GOLGA8M: variants seen among roughly 807,000 people sequenced by gnomAD.
GOLGA8M encodes golgin subfamily A member 8M.
Under a neutral mutation model 87.7 loss-of-function variants are expected in GOLGA8M, and 34 were observed. That is an observed-to-expected ratio of 0.39 (90% confidence interval 0.29 to 0.52). GOLGA8M has a LOEUF of 0.52. Among genes scored for constraint, GOLGA8M ranks in the 20% least tolerant of loss-of-function variants. The pLI, the probability that GOLGA8M is intolerant of heterozygous loss-of-function variation, is 0.80. For missense variants in GOLGA8M, 396 were observed against 682.2 expected (o/e 0.58, Z 4.67); for synonymous variants, 138 against 250.2 (o/e 0.55, Z 4.23).
rs1475406762 is a variant in GOLGA8M at position 28,700,867 on chromosome 15, C to A, written c.*1087G>T. On this transcript the variant is annotated 3_prime_UTR_variant, in exon 19 of 19. Transcript: ENST00000563027. Reference sequence around the variant, plus strand: ...GGAATGCCAGGTGTCACACAGCTTTCCTTCACTCTAATTCATTCTTGACTA... The same window carrying A: ...GGAATGCCAGGTGTCACACAGCTTTACTTCACTCTAATTCATTCTTGACTA... 1.3e-5 allele frequency among the ~76,000 whole-genome samples: 2 copies of A among 151,900 alleles called. No homozygotes were observed. Among genetic ancestry groups the A allele is most frequent in the Non-Finnish European group, 2.9e-5 (2 of 68,012 alleles).
At chr15:28,711,743 G>A (rs182126965) in intron 1 of GOLGA8M, 5 of 984,964 alleles carry the variant, frequency 5.1e-6, no homozygotes, top group African/African-American at 1.7e-5. Flanking sequence ...CCTGGTCGGG[G>A]GGAGGGACCA....
chr15:28,711,789 G>A (rs1408702489), intron 1 of GOLGA8M: 2 of 983,424 alleles, frequency 2.0e-6, no homozygotes, highest in African/African-American at 1.7e-5. Flanking sequence ...CTCCACGATG[G>A]GGGAGGGAAG....
rs77772460 is a variant in GOLGA8M, at chr15:28,703,903, A to C, written c.1215T>G (p.Ala405=). ...QEKLGEEHLE[A]ASQQNQQLTA... is the part of the protein sequence containing the mutation. Reference sequence around the variant, plus strand: ...TTAGCTGCTGGTTCTGCTGGCTGGCAGCTTCCAGGTGCTCCTAAGGGGCCA... The same window carrying C: ...TTAGCTGCTGGTTCTGCTGGCTGGCCGCTTCCAGGTGCTCCTAAGGGGCCA... Residue 405 remains alanine, a synonymous_variant, in exon 14 of 19, where the codon GCT becomes GCG. Transcript: ENST00000563027. The C allele has an allele frequency of 0.032, 47,777 of 1,502,114 alleles. 8,082 individuals carry two copies. The East Asian group carries it at 0.5, about 16-fold the overall frequency. 93.0% of individuals were successfully genotyped at this position (1,502,114 alleles called of 1,614,324 possible). A position where few individuals can be genotyped will look rare whatever the true frequency, so the allele number is the denominator to read the frequency against.
At chr15:28,711,775 G>A (rs764863122) in intron 1 of GOLGA8M, 128 of 983,682 alleles carry the variant, frequency 1.3e-4, no homozygotes, top group Non-Finnish European at 1.4e-4. Flanking sequence ...TGTCTAAGTC[G>A]CTGCTCCACG....
At chr15:28,704,025 G>A (rs1419947182) in intron 13 of GOLGA8M, 108 bp from the exon 14 acceptor site, 7 of 1,551,812 alleles carry the variant, frequency 4.5e-6, no homozygotes, top group African/African-American at 2.8e-5. Flanking sequence ...CTTTTGGCAG[G>A]CCATATCGGC....
At chr15:28,704,815 G>A (rs977589173) in intron 13 of GOLGA8M, among the ~76,000 whole-genome samples, 8 of 144,816 alleles carry the variant, frequency 5.5e-5, no homozygotes, top group South Asian at 2.2e-4. Context: ...TCAAACTCCC[G>A]ACCTCAAGTG....
chr15:28,705,672 T>C lies in GOLGA8M; in HGVS notation c.942A>G (p.Glu314=). The part of the protein sequence containing the change: ...SEVELQHLRK[E]LERVAGELQA... ...GGAGCTCTCCTGCCACTCTCTCTAGTTCCTTCCTCAGGTGCTGCAGCTCCA... is the reference window on the plus strand; with the variant it reads ...GGAGCTCTCCTGCCACTCTCTCTAGCTCCTTCCTCAGGTGCTGCAGCTCCA... Residue 314 remains glutamate (E), a synonymous_variant, in exon 12 of 19, where the codon GAA becomes GAG. Transcript: ENST00000563027. 3 of 1,586,200 alleles carry C rather than the reference T, an allele frequency of 1.9e-6. No homozygotes were observed. The highest frequency in any genetic ancestry group is 2.6e-6 in the Non-Finnish European group (3 of 1,175,666).
At chr15:28,704,072 G>T (rs1596674598) in intron 13 of GOLGA8M, among the ~76,000 whole-genome samples, 155 bp from the exon 14 acceptor site, 3 of 148,534 alleles carry the variant, frequency 2.0e-5, no homozygotes, top group South Asian at 2.1e-4. Context: ...ACTGCAGCTG[G>T]TTCATTAGCT....
chr15:28,704,143 C>T (rs1178203790), intron 13 of GOLGA8M, among the ~76,000 whole-genome samples: 4 of 148,092 alleles, frequency 2.7e-5, no homozygotes, highest in Non-Finnish European at 4.4e-5. Flanking sequence ...TGCTGATAGG[C>T]GGCCACCTGC....
chr15:28,712,471 G>A (rs887705455), upstream of GOLGA8M: 2 of 1,606,580 alleles, frequency 1.2e-6, no homozygotes, highest in African/African-American at 2.7e-5. Context: ...GAATAGGGGT[G>A]TGGCCTTAAT....
Position 28,702,530 on chromosome 15 carries a change from C to T in GOLGA8M, c.1502G>A (p.Gly501Asp), listed in dbSNP as rs755788642. The change falls in exon 17 of 19, where the codon GGC becomes GAC. Residue 501 changes from glycine (G) to aspartate (D), a missense_variant. Coordinates refer to ENST00000563027, the MANE Select transcript of GOLGA8M (RefSeq NM_001282468.3). Reference protein sequence around the residue: ...KIHHLLSEPGGRAKDAALGGG... With the variant: ...KIHHLLSEPGDRAKDAALGGG... ...TCCCAGTGCCGCATCTTTGGCACGG[C>T]CCCCTGGTTCTGATAAAAGGTGATG... 9.4e-6 allele frequency: 15 copies of T among 1,602,074 alleles called. No individual in the cohort carries two copies. Among genetic ancestry groups the T allele is most frequent in the Non-Finnish European group, 1.3e-5 (15 of 1,179,542 alleles).
Position 28,705,621 on chromosome 15 carries a change from G to T in GOLGA8M, c.993C>A (p.Arg331=). ...CTTGTCGCTGGTTCAGGAGACTTAT[G>T]CGCTGATTGTTTTTGACCTGGGCCT... ...ELQAQVKNNQ[R]ISLLNQRQEE... Residue 331 remains arginine (R), a synonymous_variant, in exon 12 of 19, where the codon CGC becomes CGA. Transcript: ENST00000563027. 2.5e-6 allele frequency: 4 copies of T among 1,589,374 alleles called. No homozygotes were observed. In the South Asian group the frequency reaches 3.3e-5, roughly 13 times the overall value.
chr15:28,702,397 GC>G (rs1345206741), intron 17 of GOLGA8M, 28 bp from the exon 18 acceptor site: 1 of 1,519,468 alleles, frequency 6.6e-7, no homozygotes, highest in Non-Finnish European at 8.7e-7. Context: ...CAGCTGCCAT[GC>G]CGCTGCCTGC....
chr15:28,702,059 A>G lies in GOLGA8M; in HGVS notation c.1794T>C (p.Pro598=). Residue 598 remains proline (P), a synonymous_variant, in exon 19 of 19, where the codon CCT becomes CCC. Transcript: ENST00000563027. The part of the protein sequence containing the change: ...EAREDPLLDK[P]TAQPIVQDHQ... ...GGTCCTGCACGATCGGCTGTGCAGT[A>G]GGCTTGTCAAGGAGAGGATCCTCCC... 6.3e-7 allele frequency: 1 copy of G among 1,592,954 alleles called. No homozygotes were observed. The highest frequency in any genetic ancestry group is 8.5e-7 in the Non-Finnish European group (1 of 1,177,716).
intron 13 of GOLGA8M, chr15:28,704,908 G>A (rs1173747556): frequency 2.3e-6 from 2 of 885,152 alleles, no homozygotes; most frequent in Non-Finnish European, 3.4e-6. Flanking sequence ...TTATAGCACT[G>A]TCTCTTCCCC....
chr15:28,712,686 AT>A (rs1481551659), upstream of GOLGA8M, among the ~76,000 whole-genome samples: 1 of 152,142 alleles, frequency 6.6e-6, no homozygotes, highest in Non-Finnish European at 1.5e-5. Flanking sequence ...ACTTTAAAAA[AT>A]ATATGTGTGT....
At chr15:28,707,891 A>G (rs1456651021) in intron 7 of GOLGA8M, 34 bp from the exon 8 acceptor site, 3 of 1,575,512 alleles carry the variant, frequency 1.9e-6, no homozygotes, top group African/African-American at 2.9e-5. Flanking sequence ...GGCCCAAAGG[A>G]CTCCCCCTGA....
At chr15:28,706,871 G>C (rs550481554) in intron 8 of GOLGA8M, among the ~76,000 whole-genome samples, 172 bp from the exon 9 acceptor site, 1 of 143,676 alleles carries the variant, frequency 7.0e-6, no homozygotes, top group African/African-American at 2.6e-5. Context: ...GGAACGGACA[G>C]GGAATGAGAT....
Position 28,702,215 on chromosome 15 carries a change from ACC to A in GOLGA8M, c.1720_1721del (p.Gly574Ter). 6.3e-7 allele frequency: 1 copy of A among 1,590,580 alleles called. No individual in the cohort carries two copies. Among genetic ancestry groups the A allele is most frequent in the Non-Finnish European group, 8.5e-7 (1 of 1,174,726 alleles). ...ACACCACCTGAGGGCTGTACTCACC[ACC>A]ATGCTTGTCTGCAGCCCCAAGCTCC... ...PQELGAADKH[G>X]DLCEVSLTSS... is the part of the protein sequence containing the mutation. On this transcript the variant is annotated frameshift_variant and splice_region_variant, in exon 18 of 19. Transcript: ENST00000563027. LOFTEE classifies it high-confidence loss of function.
Sources: gnomAD v4.1 joint callset for allele counts (sites outside exome capture counted in the v4.1 genomes callset) on GRCh38, gnomAD v4.1.1 for gene constraint, MANE v1.5 for transcripts, NCBI Gene and HGNC (gene_info 2026-07-23, HGNC 2026-07-21) for gene names.